The following MAD1L1 variants were observed in gnomAD, a reference collection of about 807,000 sequenced individuals.
MAD1L1 encodes mitotic arrest deficient 1 like 1.
Under a neutral mutation model 96.9 loss-of-function variants are expected in MAD1L1, and 95 were observed. The observed-to-expected ratio is 0.98, with a 90% CI of 0.83 to 1.16. The LOEUF (loss-of-function observed/expected upper bound fraction) is 1.16, where lower values mean the gene tolerates loss of function less well. MAD1L1 is among the 50% of genes most tolerant of loss of function. The pLI, the probability that MAD1L1 is intolerant of heterozygous loss-of-function variation, is 0.00. For missense variants in MAD1L1, 1,007 were observed against 954.4 expected, an observed-to-expected ratio of 1.06 and a Z score of -0.73; for synonymous variants, 473 against 396.6, an observed-to-expected ratio of 1.19 and a Z score of -2.29.
At position 1,870,077 on chromosome 7, in the gene MAD1L1, G is replaced by A. The variant is rs1257569321; in HGVS notation, c.1998+28123C>T. ...GGCAGAACAAGCCTGACCTTGAACC[G>A]AGACAGGGAGAGTGACTGACCCCAG... On this transcript the variant is annotated intron_variant, in intron 18 of 18. Coordinates refer to ENST00000265854, the MANE Select transcript of MAD1L1 (RefSeq NM_001013836.2). Among the ~76,000 whole-genome samples, 10 of 152,154 alleles carry A rather than the reference G, an allele frequency of 6.6e-5. No individual in the cohort carries two copies. In the East Asian group the frequency reaches 7.7e-4, roughly 12 times the overall value.
At chr7:2,031,687 G>A (rs759786967) in intron 12 of MAD1L1, among the ~76,000 whole-genome samples, 7 of 152,382 alleles carry the variant, frequency 4.6e-5, no homozygotes, top group Non-Finnish European at 2.9e-5. Context: ...CACAGTGGCT[G>A]CAGACGGCCC....
intron 18 of MAD1L1, among the ~76,000 whole-genome samples, chr7:1,842,043 CTTGT>C (rs1469914784): frequency 6.6e-6 from 1 of 152,208 alleles, no homozygotes; most frequent in Non-Finnish European, 1.5e-5. Context: ...TGCAAATTGC[CTTGT>C]TTTTCGTCTT....
intron 17 of MAD1L1, among the ~76,000 whole-genome samples, chr7:1,917,454 CCAGCAGCGCCGCCCCTCTCCGCCCT>C (rs1199365290): frequency 3.9e-5 from 6 of 152,228 alleles, no homozygotes; most frequent in Admixed American, 1.3e-4. Context: ...GCCAGAGCTC[CCAGCAGCGCCGCCCCTCTCCGCCCT>C]CAGCACCGCC....
chr7:2,179,948 G>A (rs1443241053), intron 10 of MAD1L1, among the ~76,000 whole-genome samples: 1 of 150,972 alleles, frequency 6.6e-6, no homozygotes, highest in Non-Finnish European at 1.5e-5. Context: ...TCCAGACTGG[G>A]CAACAAGAGC....
intron 18 of MAD1L1, among the ~76,000 whole-genome samples, chr7:1,875,173 G>C (rs994677486): frequency 1.3e-5 from 2 of 152,182 alleles, no homozygotes; most frequent in African/African-American, 4.8e-5. Flanking sequence ...AGGGGCCATG[G>C]CTTCTGACCC....
At chr7:1,924,093 C>G (rs566221021) in intron 17 of MAD1L1, among the ~76,000 whole-genome samples, 1 of 152,342 alleles carries the variant, frequency 6.6e-6, no homozygotes, top group East Asian at 1.9e-4. Context: ...AGGGAAAACA[C>G]GACCAACAGG....
intron 18 of MAD1L1, chr7:1,829,666 T>C (rs1431609612): frequency 1.4e-5 from 2 of 147,904 alleles, no homozygotes; most frequent in African/African-American, 5.0e-5. Flanking sequence ...TTCTGAAATG[T>C]GTGGAAAAGT....
intron 15 of MAD1L1, among the ~76,000 whole-genome samples, chr7:1,972,275 A>G (rs1489130558): frequency 6.6e-6 from 1 of 152,208 alleles, no homozygotes; most frequent in Non-Finnish European, 1.5e-5. Context: ...TTCTGTGTCA[A>G]ATTGATCTTA....
chr7:1,903,979 T>A lies in MAD1L1; in HGVS notation c.1808-5589A>T, dbSNP rs1455719309. 4.9e-5 allele frequency among the ~76,000 whole-genome samples: 6 copies of A among 123,658 alleles called. 1 individual carries two copies. The highest frequency in any genetic ancestry group is 1.1e-4 in the Non-Finnish European group (6 of 55,374). The allele number at this position is 123,658 out of a possible 152,430, so 81.1% of individuals were successfully genotyped here. A position where few individuals can be genotyped will look rare whatever the true frequency, so the allele number is the denominator to read the frequency against. On this transcript the variant is annotated intron_variant, in intron 17 of 18. Transcript: ENST00000265854. ...ACACTCTTGCGGAACTCATGATTGA[T>A]GAAGCACTGTTCCAGGCAGCGAGGA... is the stretch of plus-strand genomic sequence containing the variant.
At chr7:1,885,125 G>C (rs919428877) in intron 18 of MAD1L1, among the ~76,000 whole-genome samples, 2 of 152,320 alleles carry the variant, frequency 1.3e-5, no homozygotes, top group Middle Eastern at 3.4e-3. Flanking sequence ...CTGTGGTAGA[G>C]TCATAGCAGG....
intron 18 of MAD1L1, among the ~76,000 whole-genome samples, chr7:1,890,513 G>T (rs1256910859): frequency 6.6e-6 from 1 of 152,200 alleles, no homozygotes; most frequent in Non-Finnish European, 1.5e-5. Context: ...GCCCACTTTT[G>T]AACTTAGCAG....
At chr7:2,148,576 G>T (rs1789423482) in intron 11 of MAD1L1, 1 of 152,498 alleles carries the variant, frequency 6.6e-6, no homozygotes, top group African/African-American at 2.4e-5. Context: ...GCCTCTGGGT[G>T]TGATGCCGGA....
intron 18 of MAD1L1, among the ~76,000 whole-genome samples, chr7:1,885,276 C>G (rs1785940606): frequency 6.6e-6 from 1 of 152,190 alleles, no homozygotes; most frequent in African/African-American, 2.4e-5. Context: ...CGAAGGGCTG[C>G]CTCTCACATG....
At chr7:1,879,497 A>T (rs548895988) in intron 18 of MAD1L1, among the ~76,000 whole-genome samples, 1 of 151,952 alleles carries the variant, frequency 6.6e-6, no homozygotes, top group Non-Finnish European at 1.5e-5. Context: ...TCCCAAATTG[A>T]TCTACAGATT....
At position 2,047,290 on chromosome 7, in the gene MAD1L1, C is replaced by T. The variant is rs955716562; in HGVS notation, c.1218+21904G>A. Among the ~76,000 whole-genome samples, 14 of 152,216 alleles carry T rather than the reference C, an allele frequency of 9.2e-5. No homozygotes were observed. The East Asian group carries it at 1.3e-3, about 15-fold the overall frequency. The stretch of plus-strand genomic sequence containing the variant: ...ACAAGCTGCAGAAAACCCACCGGCA[C>T]GAGGAAACCCTGGGGGCCTGTCTGC... On this transcript the variant is annotated intron_variant, in intron 12 of 18. Transcript: ENST00000265854.
intron 18 of MAD1L1, 44 bp downstream of exon 18, chr7:1,898,156 A>G (rs1453142701): frequency 6.4e-7 from 1 of 1,551,532 alleles, no homozygotes; most frequent in Middle Eastern, 1.9e-4. Flanking sequence ...ACAGGAGGAG[A>G]CAGAGAGCGA....
At chr7:2,218,561 T>A (rs934346628) in intron 6 of MAD1L1, among the ~76,000 whole-genome samples, 1 of 152,110 alleles carries the variant, frequency 6.6e-6, no homozygotes, top group Non-Finnish European at 1.5e-5. Flanking sequence ...TGCCTGGACA[T>A]CCCTTCCCAG....
At chr7:2,052,278 T>C (rs916885898) in intron 12 of MAD1L1, among the ~76,000 whole-genome samples, 1 of 152,206 alleles carries the variant, frequency 6.6e-6, no homozygotes, top group Non-Finnish European at 1.5e-5. Context: ...GGCCCCTTCA[T>C]GTGAGCAACA....
chr7:2,139,363 G>T (rs528130241), intron 11 of MAD1L1, among the ~76,000 whole-genome samples: 1 of 148,752 alleles, frequency 6.7e-6, no homozygotes, highest in Non-Finnish European at 1.5e-5. Flanking sequence ...GGCTTGCCAA[G>T]GCGGGAGCGC....
Sources: gnomAD v4.1 joint callset for allele counts (sites outside exome capture counted in the v4.1 genomes callset) on GRCh38, gnomAD v4.1.1 for gene constraint, MANE v1.5 for transcripts, NCBI Gene and HGNC (gene_info 2026-07-23, HGNC 2026-07-21) for gene names.